The following EOGT variants were observed in gnomAD, a reference collection of about 807,000 sequenced individuals.
The protein encoded by EOGT is EGF domain specific O-linked N-acetylglucosamine transferase, also known as EGF domain-specific O-linked N-acetylglucosamine transferase.
EOGT carries 55 observed loss-of-function variants against 70.5 expected under a neutral mutation model. The observed-to-expected ratio is 0.78, with a 90% CI of 0.63 to 0.98. EOGT has a LOEUF of 0.98. Ranked by LOEUF, EOGT falls within the 50% of genes least tolerant of loss-of-function variation. The pLI is 0.00. For missense variants in EOGT, 703 were observed against 641.9 expected, an observed-to-expected ratio of 1.10 and a Z score of -1.03; for synonymous variants, 246 against 217.1, an observed-to-expected ratio of 1.13 and a Z score of -1.17.
chr3:69,004,462 T>C lies in EOGT; in HGVS notation c.536A>G (p.Gln179Arg). ...NHDRFKEDFFQSGEIGGHCKL... is the reference protein window; with the variant it reads ...NHDRFKEDFFRSGEIGGHCKL... ...ACAGTGCCCTCCAATTTCACCACTC[T>C]GGAAAAAGTCCTCCTTAAATCTGGT... Residue 179 changes from glutamine (Q) to arginine (R), a missense_variant, in exon 8 of 18, where the codon CAG becomes CGG. Physicochemically the swap from Gln to Arg is conservative, Grantham distance 43. Coordinates refer to ENST00000383701, the MANE Select transcript of EOGT (RefSeq NM_001278689.2). 1 of 1,613,716 alleles carries C rather than the reference T, an allele frequency of 6.2e-7. No individual in the cohort carries two copies. Among genetic ancestry groups the C allele is most frequent in the Non-Finnish European group, 8.5e-7 (1 of 1,179,612 alleles).
intron 3 of EOGT, among the ~76,000 whole-genome samples, chr3:69,011,423 C>T (rs1334271433): frequency 6.6e-6 from 1 of 151,260 alleles, no homozygotes; most frequent in Non-Finnish European, 1.5e-5. Flanking sequence ...TCCCTGAGTT[C>T]GAGACCAGCT....
intron 14 of EOGT, among the ~76,000 whole-genome samples, chr3:68,985,453 C>T (rs1042084457): frequency 1.3e-5 from 2 of 152,132 alleles, no homozygotes; most frequent in Non-Finnish European, 2.9e-5. Context: ...ATGACACACA[C>T]CACCTCCCCC....
At chr3:69,008,676 G>T in intron 4 of EOGT, 148 bp from the exon 5 acceptor site, 1 of 629,156 alleles carries the variant, frequency 1.6e-6, no homozygotes, top group Non-Finnish European at 2.7e-6. Context: ...AAAACTTACA[G>T]TTAATTCTAA....
chr3:68,991,494 T>C (rs536047816), intron 10 of EOGT, among the ~76,000 whole-genome samples: 3 of 152,152 alleles, frequency 2.0e-5, no homozygotes, highest in Non-Finnish European at 4.4e-5. Flanking sequence ...GGGAAATGAA[T>C]ACATGCACTG....
At position 69,010,676 on chromosome 3, in the gene EOGT, T is replaced by G. The variant is rs533885044; in HGVS notation, c.-14-816A>C. On this transcript the variant is annotated intron_variant, in intron 3 of 17. Transcript: ENST00000383701. Reference sequence around the variant, plus strand: ...ATGCTAAATGCTATGGAAATGTTTATTAAATAAAAGTTTAAAGCCATGTGG... The same window carrying G: ...ATGCTAAATGCTATGGAAATGTTTAGTAAATAAAAGTTTAAAGCCATGTGG... Among the ~76,000 whole-genome samples the G allele has an allele frequency of 2.6e-5, 4 of 152,320 alleles. No homozygotes were observed. In the East Asian group the frequency reaches 7.7e-4, roughly 29 times the overall value.
chr3:68,977,890 T>G, intron 17 of EOGT, 126 bp from the exon 18 acceptor site: 1 of 946,722 alleles, frequency 1.1e-6, no homozygotes. Context: ...CCAGCAAACT[T>G]TTCCTGATAA....
At chr3:68,993,935 A>T (rs569172588) in intron 10 of EOGT, among the ~76,000 whole-genome samples, 3 of 152,164 alleles carry the variant, frequency 2.0e-5, no homozygotes, top group Non-Finnish European at 2.9e-5. Flanking sequence ...CCAGGATTCA[A>T]TTACCTCCCC....
chr3:69,007,725 C>G lies in EOGT; in HGVS notation c.408G>C (p.Gln136His). 1.2e-6 allele frequency: 2 copies of G among 1,605,278 alleles called. No homozygotes were observed. The highest frequency in any genetic ancestry group is 1.3e-5 in the African/African-American group (1 of 74,574). ...GCAAAATACCCACCGTTTCCTTAGG[C>G]TGACAGAGCACATGCATCTCCTCCA... ...ERLEEMHVLC[Q>H]PKETSDSSLV... is the part of the protein sequence containing the mutation. The change falls in exon 6 of 18, where the codon CAG (glutamine) becomes CAC (histidine). Residue 136 changes from glutamine (Q) to histidine (H), a missense_variant. Transcript: ENST00000383701.
Position 68,975,611 on chromosome 3 carries a change from T to C in EOGT, c.*2007A>G, listed in dbSNP as rs2090453679. On this transcript the variant is annotated 3_prime_UTR_variant, in exon 18 of 18. Transcript: ENST00000383701. ...CAACATGCTTTTGTCATCCCTTTCATCTGAAATATTTTCCCAGTGGTTACT... is the reference window on the plus strand; with the variant it reads ...CAACATGCTTTTGTCATCCCTTTCACCTGAAATATTTTCCCAGTGGTTACT... 1 of 152,576 alleles carries C rather than the reference T, an allele frequency of 6.6e-6. No individual in the cohort carries two copies. Among genetic ancestry groups the C allele is most frequent in the African/African-American group, 2.4e-5 (1 of 41,452 alleles). 9.5% of individuals were successfully genotyped at this position (152,576 alleles called of 1,614,324 possible).
chr3:68,991,740 A>G lies in EOGT; in HGVS notation c.832-2723T>C, dbSNP rs374148830. Among the ~76,000 whole-genome samples, 13 of 152,284 alleles carry G rather than the reference A, an allele frequency of 8.5e-5. No individual in the cohort carries two copies. The South Asian group carries it at 2.5e-3, about 29-fold the overall frequency. On this transcript the variant is annotated intron_variant, in intron 10 of 17. Coordinates refer to ENST00000383701, the MANE Select transcript of EOGT (RefSeq NM_001278689.2). The stretch of plus-strand genomic sequence containing the variant: ...GAGGATCACTTGAGGCCAGGAGTTC[A>G]AGACTGTATTAGCCAGTTTTCACAC...
At chr3:69,006,431 T>C (rs1285747038) in intron 6 of EOGT, among the ~76,000 whole-genome samples, 10 of 152,212 alleles carry the variant, frequency 6.6e-5, no homozygotes, top group Admixed American at 6.5e-4. Flanking sequence ...TTTTTAGTTC[T>C]CCAGTGTGGT....
rs13434323 is a variant in EOGT at position 68,981,514 on chromosome 3, C to T, written c.1214+1297G>A. 9.9e-3 allele frequency among the ~76,000 whole-genome samples: 1,507 copies of T among 152,274 alleles called. 21 individuals are homozygous for T. The highest frequency in any genetic ancestry group is 0.035 in the African/African-American group (1,440 of 41,542). ...CTGTGACTGTAGGTGGACATGGAGACAGAAGTTTTCACTTTTCCTTTTGAT... is the reference window on the plus strand; with the variant it reads ...CTGTGACTGTAGGTGGACATGGAGATAGAAGTTTTCACTTTTCCTTTTGAT... On this transcript the variant is annotated intron_variant, in intron 15 of 17. Coordinates refer to ENST00000383701, the MANE Select transcript of EOGT (RefSeq NM_001278689.2).
chr3:68,997,524 G>GT (rs751238157), intron 10 of EOGT, among the ~76,000 whole-genome samples: 6 of 151,958 alleles, frequency 3.9e-5, no homozygotes, highest in Non-Finnish European at 5.9e-5. Flanking sequence ...GTCTGCCACC[G>GT]TATCTGGCTA....
chr3:68,980,777 A>G (rs1308350903), intron 15 of EOGT, among the ~76,000 whole-genome samples: 1 of 152,246 alleles, frequency 6.6e-6, no homozygotes, highest in Non-Finnish European at 1.5e-5. Context: ...CCATTCACCC[A>G]GGTGAACATA....
intron 10 of EOGT, among the ~76,000 whole-genome samples, chr3:68,994,143 T>C (rs968043670): frequency 5.9e-5 from 9 of 152,112 alleles, no homozygotes; most frequent in African/African-American, 2.2e-4. Context: ...CACACACACA[T>C]ATGTTATGAC....
chr3:68,982,412 C>T lies in EOGT; in HGVS notation c.1214+399G>A, dbSNP rs749495236. On this transcript the variant is annotated intron_variant, in intron 15 of 17. Transcript: ENST00000383701. ...GCACACGCCTGTAGTCCCAGCTACT[C>T]GGGAGGCAGAGGCAGGAGAATTACT... Among the ~76,000 whole-genome samples, 29 of 151,962 alleles carry T rather than the reference C, an allele frequency of 1.9e-4. No individual in the cohort carries two copies. The South Asian group carries it at 2.7e-3, about 14-fold the overall frequency.
chr3:68,981,558 C>T (rs2090640579), intron 15 of EOGT, among the ~76,000 whole-genome samples: 1 of 152,194 alleles, frequency 6.6e-6, no homozygotes. Flanking sequence ...TACTGCTTGA[C>T]TTTTCAACCA....
intron 3 of EOGT, among the ~76,000 whole-genome samples, chr3:69,011,312 G>A (rs2091569782): frequency 6.7e-6 from 1 of 149,382 alleles, no homozygotes; most frequent in Non-Finnish European, 1.5e-5. Flanking sequence ...TTCGAAATCA[G>A]TCTTCATTGA....
At chr3:68,988,198 T>C (rs2090871269) in intron 13 of EOGT, 97 bp downstream of exon 13, 5 of 860,342 alleles carry the variant, frequency 5.8e-6, no homozygotes, top group South Asian at 5.0e-5. Flanking sequence ...CACAAAAACA[T>C]GGTCTCCTGA....
Sources: gnomAD v4.1 joint callset for allele counts (sites outside exome capture counted in the v4.1 genomes callset) on GRCh38, gnomAD v4.1.1 for gene constraint, MANE v1.5 for transcripts, NCBI Gene and HGNC (gene_info 2026-07-23, HGNC 2026-07-21) for gene names.